NLGN1: variants seen among roughly 807,000 people sequenced by gnomAD.
NLGN1 encodes the protein neuroligin-1.
In NLGN1, 12 loss-of-function variants were observed where a neutral mutation model predicts 65.5. The ratio of observed to expected loss-of-function variants is 0.18; its 90% CI spans 0.12 to 0.30. The LOEUF is 0.30. Ranked by LOEUF, NLGN1 falls within the 10% of genes least tolerant of loss-of-function variation. The pLI is 1.00. For synonymous variants in NLGN1, 350 were observed against 359.5 expected, an observed-to-expected ratio of 0.97 and a Z score of 0.30; for missense variants, 750 against 1,007.1, an observed-to-expected ratio of 0.74 and a Z score of 3.46.
intron 4 of NLGN1, among the ~76,000 whole-genome samples, chr3:174,022,377 G>C (rs1727918932): frequency 6.6e-6 from 1 of 151,962 alleles, no homozygotes; most frequent in Non-Finnish European, 1.5e-5. Flanking sequence ...TCCCTATCTT[G>C]GCTCTTGGTA....
At chr3:173,576,362 A>G (rs965271982) in intron 2 of NLGN1, among the ~76,000 whole-genome samples, 1 of 152,176 alleles carries the variant, frequency 6.6e-6, no homozygotes, top group African/African-American at 2.4e-5. Flanking sequence ...CCACAAATTT[A>G]ATGGCTAAAA....
At chr3:174,215,582 GAGA>G (rs1737442257) in intron 4 of NLGN1, among the ~76,000 whole-genome samples, 1 of 152,166 alleles carries the variant, frequency 6.6e-6, no homozygotes, top group Non-Finnish European at 1.5e-5. Context: ...TTCAGGCGGA[GAGA>G]AGATATTCGA....
intron 3 of NLGN1, among the ~76,000 whole-genome samples, chr3:173,631,014 TC>T (rs1755600778): frequency 6.6e-6 from 1 of 152,106 alleles, no homozygotes; most frequent in Non-Finnish European, 1.5e-5. Flanking sequence ...CAAGTTGCCT[TC>T]TCAGGGCAAT....
chr3:173,519,721 T>C (rs1006819469), intron 2 of NLGN1, among the ~76,000 whole-genome samples: 1 of 151,574 alleles, frequency 6.6e-6, no homozygotes, highest in East Asian at 1.9e-4. Context: ...TTTTTTTTTT[T>C]ATTTTACACC....
intron 4 of NLGN1, among the ~76,000 whole-genome samples, chr3:173,972,272 G>C (rs1716427836): frequency 6.6e-6 from 1 of 151,972 alleles, no homozygotes; most frequent in Non-Finnish European, 1.5e-5. Context: ...TTAGAGTTTT[G>C]ATTATTCTTT....
chr3:173,849,803 G>A (rs1031252025), intron 4 of NLGN1, among the ~76,000 whole-genome samples: 3 of 152,026 alleles, frequency 2.0e-5, no homozygotes, highest in African/African-American at 4.8e-5. Flanking sequence ...TTCCTCCTGC[G>A]ATGCAATTCT....
At chr3:173,865,103 A>C (rs1001011141) in intron 4 of NLGN1, among the ~76,000 whole-genome samples, 1 of 151,368 alleles carries the variant, frequency 6.6e-6, no homozygotes, top group Non-Finnish European at 1.5e-5. Context: ...TGAATTCAGC[A>C]TGATATTTGT....
At chr3:173,726,619 T>C (rs1278161498) in intron 3 of NLGN1, among the ~76,000 whole-genome samples, 5 of 152,146 alleles carry the variant, frequency 3.3e-5, no homozygotes, top group Non-Finnish European at 7.4e-5. Context: ...CACCTTTCTC[T>C]AAACCTTGTC....
intron 4 of NLGN1, among the ~76,000 whole-genome samples, chr3:173,938,794 C>T (rs528305911): frequency 8.3e-4 from 126 of 152,064 alleles, no homozygotes; most frequent in Middle Eastern, 3.4e-3. Context: ...TATGAAGTAC[C>T]GAGAAAAGGC....
At chr3:173,521,179 A>G (rs1453407731) in intron 2 of NLGN1, among the ~76,000 whole-genome samples, 4 of 152,226 alleles carry the variant, frequency 2.6e-5, no homozygotes, top group Non-Finnish European at 4.4e-5. Flanking sequence ...TGCTGAATGC[A>G]TGGCAGACAA....
chr3:173,561,432 C>T (rs972003689), intron 2 of NLGN1, among the ~76,000 whole-genome samples: 12 of 152,022 alleles, frequency 7.9e-5, no homozygotes, highest in African/African-American at 2.4e-4. Flanking sequence ...AGTACAAAAT[C>T]CCATCCCGAA....
At chr3:173,689,611 A>G (rs1158090867) in intron 3 of NLGN1, among the ~76,000 whole-genome samples, 1 of 152,158 alleles carries the variant, frequency 6.6e-6, no homozygotes, top group Non-Finnish European at 1.5e-5. Flanking sequence ...AAGATTCCTC[A>G]AGATAATGGC....
intron 4 of NLGN1, among the ~76,000 whole-genome samples, chr3:174,135,078 T>C (rs1720961747): frequency 6.6e-6 from 1 of 152,210 alleles, no homozygotes; most frequent in African/African-American, 2.4e-5. Flanking sequence ...TTATAATACC[T>C]ATCATTCTGA....
intron 3 of NLGN1, among the ~76,000 whole-genome samples, chr3:173,646,890 A>G (rs1206152691): frequency 4.6e-5 from 7 of 152,212 alleles, no homozygotes; most frequent in Admixed American, 4.6e-4. Context: ...TTTAAAAGGC[A>G]GAGATTGTCA....
chr3:173,683,530 A>G (rs1223591754), intron 3 of NLGN1, among the ~76,000 whole-genome samples: 1 of 152,174 alleles, frequency 6.6e-6, no homozygotes, highest in African/African-American at 2.4e-5. Context: ...ACTGGATTTG[A>G]GGTAGTAACT....
intron 4 of NLGN1, among the ~76,000 whole-genome samples, chr3:173,839,501 C>T (rs961653965): frequency 1.2e-4 from 18 of 151,758 alleles, no homozygotes; most frequent in Non-Finnish European, 1.9e-4. Flanking sequence ...CAGCTCACTG[C>T]AACCTCTGCC....
intron 3 of NLGN1, among the ~76,000 whole-genome samples, chr3:173,635,277 T>G (rs1756400184): frequency 6.6e-6 from 1 of 152,152 alleles, no homozygotes; most frequent in African/African-American, 2.4e-5. Flanking sequence ...AGATATTAAG[T>G]AATTTCAGTT....
chr3:173,463,952 A>C (rs1471968179), intron 2 of NLGN1, among the ~76,000 whole-genome samples: 1 of 152,018 alleles, frequency 6.6e-6, no homozygotes, highest in East Asian at 1.9e-4. Context: ...ACATTTTTCA[A>C]AATTCAAGCA....
At chr3:173,611,900 G>A (rs147293179) in intron 3 of NLGN1, among the ~76,000 whole-genome samples, 1 of 151,872 alleles carries the variant, frequency 6.6e-6, no homozygotes. Flanking sequence ...ATAAATTCTT[G>A]GTAAAAACTG....
Sources: allele counts gnomAD v4.1 joint callset (sites outside exome capture counted in the v4.1 genomes callset), GRCh38; gene constraint gnomAD v4.1.1; transcripts MANE v1.5; gene names NCBI Gene and HGNC (gene_info 2026-07-23, HGNC 2026-07-21).